Variants in CUL1 observed in about 807,000 individuals in gnomAD.
The protein encoded by CUL1 is cullin-1.
A neutral mutation model predicts 118.0 loss-of-function variants in CUL1; 24 were observed. That is an observed-to-expected ratio of 0.20 (90% confidence interval 0.15 to 0.29). CUL1 has a LOEUF of 0.29. Among genes scored for constraint, CUL1 ranks in the 10% least tolerant of loss-of-function variants. The probability of loss-of-function intolerance (pLI) is 1.00; values close to 1 mark genes in which losing one functional copy is unlikely to be tolerated. For synonymous variants in CUL1, 332 were observed against 340.4 expected (o/e 0.98, Z 0.27); for missense variants, 361 against 933.8 (o/e 0.39, Z 7.99).
intron 12 of CUL1, 84 bp from the exon 13 acceptor site, chr7:148,786,905 T>A (rs192839134): frequency 6.5e-7 from 1 of 1,534,870 alleles, no homozygotes; most frequent in Admixed American, 1.9e-5. Context: ...TCTTGGCTCC[T>A]GGCTTGTGGC....
intron 9 of CUL1, among the ~76,000 whole-genome samples, chr7:148,778,913 C>A (rs1800517083): frequency 6.6e-6 from 1 of 152,186 alleles, no homozygotes; most frequent in Admixed American, 6.5e-5. Context: ...GCCTGTAGCA[C>A]CCCATTATTC....
intron 2 of CUL1, among the ~76,000 whole-genome samples, chr7:148,745,643 G>C (rs1489919044): frequency 6.6e-6 from 1 of 152,182 alleles, no homozygotes; most frequent in African/African-American, 2.4e-5. Flanking sequence ...CTGGAGGTAG[G>C]GGGTAGAAAG....
At chr7:148,743,330 G>A (rs1340205761) in intron 2 of CUL1, among the ~76,000 whole-genome samples, 1 of 152,192 alleles carries the variant, frequency 6.6e-6, no homozygotes, top group Non-Finnish European at 1.5e-5. Context: ...ATCTCCCTGT[G>A]TGATATTGTC....
chr7:148,776,517 A>G (rs1315381891), intron 9 of CUL1, among the ~76,000 whole-genome samples: 5 of 151,746 alleles, frequency 3.3e-5, no homozygotes, highest in African/African-American at 1.2e-4. Flanking sequence ...GGGTTTCACT[A>G]TGTTGGCTAG....
chr7:148,752,427 TTAA>T (rs759594693), intron 2 of CUL1, among the ~76,000 whole-genome samples: 6 of 152,208 alleles, frequency 3.9e-5, no homozygotes, highest in Non-Finnish European at 7.3e-5. Context: ...ATTGAAATAG[TTAA>T]TAATTTTTCA....
At chr7:148,726,733 A>G (rs936748859) in intron 1 of CUL1, among the ~76,000 whole-genome samples, 14 of 151,616 alleles carry the variant, frequency 9.2e-5, no homozygotes, top group Non-Finnish European at 1.8e-4. Flanking sequence ...ATTAAGGTTA[A>G]CCTCTAATTG....
intron 1 of CUL1, among the ~76,000 whole-genome samples, chr7:148,727,047 C>G (rs1798609959): frequency 6.6e-6 from 1 of 152,042 alleles, no homozygotes; most frequent in Non-Finnish European, 1.5e-5. Flanking sequence ...TTTATTCCGT[C>G]ACTGTAGCAT....
At position 148,743,921 on chromosome 7, in the gene CUL1, C is replaced by CA. The variant is rs1377040539; in HGVS notation, c.141-10049dup. Among the ~76,000 whole-genome samples the CA allele has an allele frequency of 3.3e-5, 5 of 152,206 alleles. No homozygotes were observed. The South Asian group carries it at 1.0e-3, about 32-fold the overall frequency. On this transcript the variant is annotated intron_variant, in intron 2 of 21. Coordinates refer to ENST00000325222, the MANE Select transcript of CUL1 (RefSeq NM_003592.3). ...TAGGTGACAGAGCAAGACTCCATCT[C>CA]AAAAAACAAATTTTTTTTCATATAT...
upstream of CUL1, chr7:148,697,897 G>A (rs556570961): frequency 6.6e-6 from 1 of 152,166 alleles, no homozygotes; most frequent in South Asian, 2.1e-4. Flanking sequence ...TGACTTCGAA[G>A]TACACGTGAA....
chr7:148,764,158 A>G (rs1308391831), intron 7 of CUL1, among the ~76,000 whole-genome samples: 8 of 151,910 alleles, frequency 5.3e-5, no homozygotes, highest in Non-Finnish European at 7.4e-5. Context: ...TTTGGTTTTT[A>G]TTTTCCTTTT....
intron 5 of CUL1, 22 bp from the exon 6 acceptor site, chr7:148,759,526 T>C (rs775729412): frequency 6.6e-7 from 1 of 1,512,306 alleles, no homozygotes; most frequent in Non-Finnish European, 9.1e-7. Context: ...CTGTGTAATA[T>C]TTTTCTACAT....
intron 1 of CUL1, among the ~76,000 whole-genome samples, chr7:148,726,946 A>T (rs1798605516): frequency 6.6e-6 from 1 of 152,006 alleles, no homozygotes; most frequent in Non-Finnish European, 1.5e-5. Context: ...CAGGGGGTTG[A>T]GGCTGCAGTG....
chr7:148,703,914 A>T lies in CUL1; in HGVS notation c.-162+4885A>T, dbSNP rs186295290. ...TTTTAAAATATTTTTTCAAGAAAAA[A>T]TTTAAGAACCAAAAAGTAACAGCAT... is the stretch of plus-strand genomic sequence containing the variant. On this transcript the variant is annotated intron_variant, in intron 1 of 21. Coordinates refer to ENST00000325222, the MANE Select transcript of CUL1 (RefSeq NM_003592.3). Among the ~76,000 whole-genome samples the T allele has an allele frequency of 1.8e-4, 28 of 152,300 alleles. No individual in the cohort carries two copies. The East Asian group carries it at 4.6e-3, about 25-fold the overall frequency.
intron 16 of CUL1, among the ~76,000 whole-genome samples, chr7:148,790,986 A>G (rs1407764726): frequency 6.6e-6 from 1 of 152,182 alleles, no homozygotes; most frequent in South Asian, 2.1e-4. Flanking sequence ...CCTAGCTTAT[A>G]TGTAGCTGAG....
chr7:148,703,719 G>A (rs1363178404), intron 1 of CUL1, among the ~76,000 whole-genome samples: 1 of 151,906 alleles, frequency 6.6e-6, no homozygotes, highest in Non-Finnish European at 1.5e-5. Flanking sequence ...TTTTAGTAGG[G>A]ACGGGGTTTC....
chr7:148,798,832 C>T (rs1801295014), intron 20 of CUL1, among the ~76,000 whole-genome samples, 155 bp downstream of exon 20: 1 of 152,024 alleles, frequency 6.6e-6, no homozygotes, highest in African/African-American at 2.4e-5. Flanking sequence ...AGAGCCAGGG[C>T]CTTGTTATCT....
At position 148,800,897 on chromosome 7, in the gene CUL1, T is replaced by C. The variant is rs1346660925; in HGVS notation, c.*315T>C. On this transcript the variant is annotated 3_prime_UTR_variant, in exon 22 of 22. Coordinates refer to ENST00000325222, the MANE Select transcript of CUL1 (RefSeq NM_003592.3). This position sits in a 1 kb window ranked among gnomAD's most constrained non-coding sequence, Gnocchi z 4.6. ...GCTCCCCGATTCGCAGCTGTCGTCT[T>C]GGCAGCACTTGTCACGTTGGCAGCA... The C allele has an allele frequency of 8.7e-6, 2 of 228,640 alleles. No homozygotes were observed. Among genetic ancestry groups the C allele is most frequent in the African/African-American group, 4.6e-5 (2 of 43,844 alleles). 14.2% of individuals were successfully genotyped at this position (228,640 alleles called of 1,614,324 possible).
At chr7:148,790,284 C>A in intron 15 of CUL1, 26 bp from the exon 16 acceptor site, 1 of 1,612,586 alleles carries the variant, frequency 6.2e-7, no homozygotes, top group Non-Finnish European at 8.5e-7. Flanking sequence ...GATCTGTATT[C>A]CATATAATGC....
Position 148,800,404 on chromosome 7 carries a change from G to C in CUL1, c.2251-98G>C. 1.1e-6 allele frequency: 1 copy of C among 936,368 alleles called. No homozygotes were observed. The highest frequency in any genetic ancestry group is 1.7e-6 in the Non-Finnish European group (1 of 587,384). The allele number at this position is 936,368 out of a possible 1,614,324, so 58.0% of individuals were successfully genotyped here. ...CTGCTCCCCACTGAGCTCCGAATCA[G>C]GGGAGATTTGTGGTGGGGGCAGCCT... On this transcript the variant is annotated intron_variant, in intron 21 of 21. Transcript: ENST00000325222. The surrounding 1 kb of genome is among the most constrained non-coding windows in gnomAD (Gnocchi z 4.6).
Sources: allele counts gnomAD v4.1 joint callset (sites outside exome capture counted in the v4.1 genomes callset), GRCh38; gene constraint gnomAD v4.1.1; non-coding constraint Gnocchi (gnomAD v3.1); transcripts MANE v1.5; gene names NCBI Gene and HGNC (gene_info 2026-07-23, HGNC 2026-07-21).